RHOU: variants seen among roughly 807,000 people sequenced by gnomAD.
RHOU encodes rho-related GTP-binding protein RhoU.
A neutral mutation model predicts 12.6 loss-of-function variants in RHOU; 8 were observed. That is an observed-to-expected ratio of 0.64 (90% CI 0.37 to 1.15). The LOEUF (loss-of-function observed/expected upper bound fraction) is 1.15. RHOU is among the 50% of genes most tolerant of loss of function. The probability of loss-of-function intolerance (pLI) is 0.01; values close to 1 mark genes in which losing one functional copy is unlikely to be tolerated. For synonymous variants in RHOU, 161 were observed against 147.4 expected (o/e 1.09, Z -0.67); for missense variants, 258 against 347.0 (o/e 0.74, Z 2.04).
At chr1:228,681,691 C>A in the RHOU span, among the ~76,000 whole-genome samples, 1 of 152,040 alleles carries the variant, frequency 6.6e-6, no homozygotes, top group Non-Finnish European at 1.5e-5. Flanking sequence ...TGGGGCCAAG[C>A]GGTGTTGGAG....
the RHOU span, among the ~76,000 whole-genome samples, chr1:228,708,371 T>C: frequency 6.7e-6 from 1 of 148,960 alleles, no homozygotes; most frequent in South Asian, 2.2e-4. Context: ...TTCACCAAAG[T>C]TGAAATGAAG....
At chr1:228,650,155 C>T in the RHOU span, 2 of 455,274 alleles carry the variant, frequency 4.4e-6, no homozygotes, top group Non-Finnish European at 8.8e-6. Flanking sequence ...AGCAGAGCTG[C>T]ACTGCGGTTA....
At chr1:228,663,376 T>C in the RHOU span, among the ~76,000 whole-genome samples, 1 of 152,164 alleles carries the variant, frequency 6.6e-6, no homozygotes, top group Admixed American at 6.5e-5. Context: ...TTTATCACAC[T>C]GTAACTGTAA....
At chr1:228,685,247 G>C in the RHOU span, among the ~76,000 whole-genome samples, 1 of 152,178 alleles carries the variant, frequency 6.6e-6, no homozygotes, top group African/African-American at 2.4e-5. Flanking sequence ...CCTGTATCTT[G>C]TGCTGACTTC....
the RHOU span, among the ~76,000 whole-genome samples, chr1:228,676,590 A>G: frequency 1.9e-4 from 29 of 152,360 alleles, no homozygotes; most frequent in South Asian, 3.9e-3. Flanking sequence ...GAGACCACCA[A>G]ACAGGCTTTG....
chr1:228,726,314 T>A, the RHOU span, among the ~76,000 whole-genome samples: 1,681 of 152,236 alleles, frequency 0.011, 32 homozygotes, highest in African/African-American at 0.039. Context: ...ACTTCATTGC[T>A]CTGTTGTCTT....
the RHOU span, among the ~76,000 whole-genome samples, chr1:228,676,566 C>A: frequency 6.6e-6 from 1 of 152,192 alleles, no homozygotes. Context: ...TATTGTCACA[C>A]ACGTCCATGT....
chr1:228,647,543 C>T, the RHOU span, among the ~76,000 whole-genome samples: 1 of 152,196 alleles, frequency 6.6e-6, no homozygotes, highest in African/African-American at 2.4e-5. Flanking sequence ...TCTTGGCTGG[C>T]GTCTGTGGTA....
At chr1:228,711,350 A>G in the RHOU span, among the ~76,000 whole-genome samples, 1 of 152,160 alleles carries the variant, frequency 6.6e-6, no homozygotes, top group African/African-American at 2.4e-5. Flanking sequence ...CGCATCGCCA[A>G]GTCAATCCTA....
chr1:228,646,804 G>GCA, the RHOU span, among the ~76,000 whole-genome samples: 3 of 151,462 alleles, frequency 2.0e-5, no homozygotes, highest in Admixed American at 6.6e-5. Flanking sequence ...GCAGACGCAC[G>GCA]CACACACACA....
At chr1:228,649,130 A>G in the RHOU span, among the ~76,000 whole-genome samples, 6 of 152,200 alleles carry the variant, frequency 3.9e-5, no homozygotes, top group African/African-American at 7.2e-5. Flanking sequence ...CTCTTAAAAT[A>G]CTAGGTTTAC....
chr1:228,705,809 C>T, the RHOU span, among the ~76,000 whole-genome samples: 7 of 152,162 alleles, frequency 4.6e-5, no homozygotes, highest in East Asian at 7.7e-4. Flanking sequence ...TTCGGGAGGC[C>T]GAGACGGGCA....
At chr1:228,705,674 G>A in the RHOU span, among the ~76,000 whole-genome samples, 7 of 152,190 alleles carry the variant, frequency 4.6e-5, no homozygotes, top group Admixed American at 6.5e-5. Flanking sequence ...ATCCAAGTAA[G>A]TTAATTATTA....
At chr1:228,712,838 AAAATAAAATAAAATAAAATAAAAT>A in the RHOU span, among the ~76,000 whole-genome samples, 2 of 89,188 alleles carry the variant, frequency 2.2e-5, no homozygotes, top group Admixed American at 2.1e-4. Flanking sequence ...TAAATAAAAT[AAAATAAAATAAAATAAAATAAAAT>A]AAAATAAAAT....
At chr1:228,707,261 T>TATATATATATATA in the RHOU span, among the ~76,000 whole-genome samples, 6 of 75,762 alleles carry the variant, frequency 7.9e-5, no homozygotes, top group African/African-American at 6.7e-4. Context: ...ATATAGTGTG[T>TATATATATATATA]GTGTGTGTGT....
chr1:228,688,918 C>G, the RHOU span, among the ~76,000 whole-genome samples: 5 of 152,108 alleles, frequency 3.3e-5, no homozygotes, highest in South Asian at 1.0e-3. Context: ...AACAGAGAAA[C>G]AAATATAAAG....
the RHOU span, among the ~76,000 whole-genome samples, chr1:228,681,956 C>A: frequency 5.3e-5 from 8 of 152,198 alleles, no homozygotes; most frequent in African/African-American, 1.9e-4. Context: ...GGTGAATGAC[C>A]AAGGCAGGCA....
the RHOU span, among the ~76,000 whole-genome samples, chr1:228,716,614 C>G: frequency 6.6e-6 from 1 of 152,016 alleles, no homozygotes; most frequent in African/African-American, 2.4e-5. Flanking sequence ...CTGTTCAAAT[C>G]CCAGCACTTA....
At chr1:228,678,435 C>T in the RHOU span, among the ~76,000 whole-genome samples, 92 of 152,280 alleles carry the variant, frequency 6.0e-4, no homozygotes, top group African/African-American at 2.2e-3. Context: ...AGGCTAGCTG[C>T]TTCTTTAGCT....
Sources: gnomAD v4.1 joint callset for allele counts (sites outside exome capture counted in the v4.1 genomes callset) on GRCh38, gnomAD v4.1.1 for gene constraint, MANE v1.5 for transcripts, NCBI Gene and HGNC (gene_info 2026-07-23, HGNC 2026-07-21) for gene names.